The following LTA4H variants were observed in gnomAD, a reference collection of about 807,000 sequenced individuals.
The protein encoded by LTA4H is leukotriene A4 hydrolase.
Under a neutral mutation model 89.8 loss-of-function variants are expected in LTA4H, and 59 were observed. The ratio of observed to expected loss-of-function variants is 0.66; its 90% CI spans 0.53 to 0.82. The LOEUF (loss-of-function observed/expected upper bound fraction) is 0.82. Ranked by LOEUF, LTA4H falls within the 40% of genes least tolerant of loss-of-function variation. The probability of loss-of-function intolerance (pLI) is 0.00; values close to 1 mark genes in which losing one functional copy is unlikely to be tolerated. For missense variants in LTA4H, 617 were observed against 727.0 expected (o/e 0.85, Z 1.74); for synonymous variants, 227 against 253.1 (o/e 0.90, Z 0.98).
At chr12:96,009,245 T>C (rs938059990) in intron 14 of LTA4H, 97 bp from the exon 15 acceptor site, 1 of 786,622 alleles carries the variant, frequency 1.3e-6, no homozygotes, top group African/African-American at 1.7e-5. Flanking sequence ...AAAGTCCCTT[T>C]TAAATAAGGA....
At chr12:96,026,261 GCA>G (rs1456280533) in intron 3 of LTA4H, among the ~76,000 whole-genome samples, 1 of 152,130 alleles carries the variant, frequency 6.6e-6, no homozygotes, top group Non-Finnish European at 1.5e-5. Flanking sequence ...CCAAACCCAG[GCA>G]AATATGCATA....
intron 1 of LTA4H, among the ~76,000 whole-genome samples, chr12:96,033,401 C>T (rs1223919325): frequency 1.3e-5 from 2 of 152,044 alleles, no homozygotes; most frequent in African/African-American, 4.8e-5. Flanking sequence ...TTAGAAAAAC[C>T]TCTTTAAATT....
intron 15 of LTA4H, among the ~76,000 whole-genome samples, chr12:96,008,053 C>A (rs1462343437): frequency 6.6e-6 from 1 of 152,144 alleles, no homozygotes; most frequent in African/African-American, 2.4e-5. Context: ...ATACTGGGCA[C>A]TACTAGGAGT....
intron 8 of LTA4H, among the ~76,000 whole-genome samples, chr12:96,018,212 C>T (rs753567775): frequency 6.6e-6 from 1 of 152,114 alleles, no homozygotes; most frequent in Non-Finnish European, 1.5e-5. Flanking sequence ...ATACCGTGAA[C>T]ATAATATTCT....
At position 96,022,354 on chromosome 12, in the gene LTA4H, TAAAC is replaced by T. The variant is rs1409244701; in HGVS notation, c.481-107_481-104del. ...TTTCTTCCCATTCTTGACTATCTAA[TAAAC>T]AGACTATGAACACAAAAAGTATATA... On this transcript the variant is annotated intron_variant, in intron 4 of 18. Transcript: ENST00000228740. The surrounding 1 kb of genome is among the most constrained non-coding windows in gnomAD (Gnocchi z 4.0). 4 of 713,748 alleles carry T rather than the reference TAAAC, an allele frequency of 5.6e-6. No individual in the cohort carries two copies. Among genetic ancestry groups the T allele is most frequent in the East Asian group, 5.4e-5 (2 of 36,902 alleles). The allele number at this position is 713,748 out of a possible 1,614,324, so 44.2% of individuals were successfully genotyped here. A position where few individuals can be genotyped will look rare whatever the true frequency, so the allele number is the denominator to read the frequency against.
rs777619441 is a variant in LTA4H, at chr12:96,013,241, T to C, written c.1326A>G (p.Gln442=). The stretch of plus-strand genomic sequence containing the variant: ...AGTAGAGCCAGGCATTCCAATCAAC[T>C]TGATTGAGAACATCAACCTATGAAT... The part of the protein sequence containing the change: ...YFKDKVDVLN[Q]VDWNAWLYSP... The change falls in exon 14 of 19, where the codon CAA becomes CAG. Residue 442 remains glutamine (Q), a synonymous_variant. Transcript: ENST00000228740. 9.3e-6 allele frequency: 15 copies of C among 1,613,480 alleles called. No individual in the cohort carries two copies. In the Admixed American group the frequency reaches 1.7e-4, roughly 18 times the overall value.
At chr12:96,021,331 T>C (rs1950450030) in intron 5 of LTA4H, among the ~76,000 whole-genome samples, 194 bp from the exon 6 acceptor site, 1 of 152,200 alleles carries the variant, frequency 6.6e-6, no homozygotes, top group Admixed American at 6.5e-5. Context: ...ATATAAAACA[T>C]TGTTCAAAAC....
chr12:96,020,837 G>T, intron 6 of LTA4H: 2 of 380,390 alleles, frequency 5.3e-6, no homozygotes, highest in Admixed American at 5.1e-5. Flanking sequence ...AAGCTTACAT[G>T]AGAATCCAGA....
chr12:96,000,774 T>A lies in LTA4H; in HGVS notation c.*215A>T, dbSNP rs948362129. 2 of 373,942 alleles carry A rather than the reference T, an allele frequency of 5.3e-6. No homozygotes were observed. The highest frequency in any genetic ancestry group is 5.2e-5 in the South Asian group (1 of 19,214). 23.2% of individuals were successfully genotyped at this position (373,942 alleles called of 1,614,324 possible). A position where few individuals can be genotyped will look rare whatever the true frequency, so the allele number is the denominator to read the frequency against. Reference sequence around the variant, plus strand: ...AATATAAAGCTAATTCAAAATTTTTTAATTTGTAAATCAAAAGATTAAACC... The same window carrying A: ...AATATAAAGCTAATTCAAAATTTTTAAATTTGTAAATCAAAAGATTAAACC... On this transcript the variant is annotated 3_prime_UTR_variant, in exon 19 of 19. Transcript: ENST00000228740.
chr12:96,000,964 T>C lies in LTA4H; in HGVS notation c.*25A>G. 1 of 1,416,758 alleles carries C rather than the reference T, an allele frequency of 7.1e-7. No individual in the cohort carries two copies. Among genetic ancestry groups the C allele is most frequent in the Non-Finnish European group, 1.0e-6 (1 of 1,001,248 alleles). The allele number at this position is 1,416,758 out of a possible 1,614,324, so 87.8% of individuals were successfully genotyped here. On this transcript the variant is annotated 3_prime_UTR_variant, in exon 19 of 19. Transcript: ENST00000228740. ...GAATTCCATTTAAAAAAGAGAAATCTCTAAAATCATCAATACGCAGGTCTT... is the reference window on the plus strand; with the variant it reads ...GAATTCCATTTAAAAAAGAGAAATCCCTAAAATCATCAATACGCAGGTCTT...
chr12:96,014,740 A>C lies in LTA4H; in HGVS notation c.1204+115T>G, dbSNP rs1466768434. ...AACAATACAGATTTCTTCAGCAGCT[A>C]CATCCAGAATGAATTGGAAGTATTA... On this transcript the variant is annotated intron_variant, in intron 12 of 18. Coordinates refer to ENST00000228740, the MANE Select transcript of LTA4H (RefSeq NM_000895.3). The C allele has an allele frequency of 1.5e-5, 14 of 959,564 alleles. No individual in the cohort carries two copies. The East Asian group carries it at 3.1e-4, about 21-fold the overall frequency. 59.4% of individuals were successfully genotyped at this position (959,564 alleles called of 1,614,324 possible). A position where few individuals can be genotyped will look rare whatever the true frequency, so the allele number is the denominator to read the frequency against.
Position 96,018,817 on chromosome 12 carries a change from G to A in LTA4H, c.798C>T (p.Phe266=). The change falls in exon 8 of 19, where the codon TTC becomes TTT. Residue 266 remains phenylalanine, a synonymous_variant. Coordinates refer to ENST00000228740, the MANE Select transcript of LTA4H (RefSeq NM_000895.3). The part of the protein sequence containing the change: ...QYDLLVLPPS[F]PYGGMENPCL... ...AAGGATTCTCCATGCCACCATAAGG[G>A]AAGGATGGTGGCAGGACCAATAGGT... The A allele has an allele frequency of 1.2e-6, 2 of 1,603,194 alleles. No individual in the cohort carries two copies. The highest frequency in any genetic ancestry group is 1.7e-6 in the Non-Finnish European group (2 of 1,175,112).
intron 16 of LTA4H, among the ~76,000 whole-genome samples, chr12:96,004,665 A>G (rs1342077435): frequency 6.6e-6 from 1 of 152,152 alleles, no homozygotes; most frequent in East Asian, 1.9e-4. Context: ...CCCTCCAACC[A>G]CGACCTCCTT....
At position 96,013,470 on chromosome 12, in the gene LTA4H, A is replaced by G. The variant is rs565769657; in HGVS notation, c.1309-212T>C. ...TGCGATGTTTTGATATATGTACTCA[A>G]TGTGGACTAAGTCAAGCTAATATAT... On this transcript the variant is annotated intron_variant, in intron 13 of 18. Transcript: ENST00000228740. 6.2e-4 allele frequency among the ~76,000 whole-genome samples: 94 copies of G among 152,338 alleles called. 1 individual carries two copies. Among genetic ancestry groups the G allele is most frequent in the Non-Finnish European group, 1.2e-3 (82 of 68,022 alleles).
intron 1 of LTA4H, among the ~76,000 whole-genome samples, chr12:96,030,115 C>A (rs564754799): frequency 2.2e-4 from 34 of 152,306 alleles, no homozygotes; most frequent in Admixed American, 1.4e-3. Context: ...TGACCTCTGT[C>A]TACTCACAGC....
chr12:96,015,054 C>T, intron 11 of LTA4H, 55 bp from the exon 12 acceptor site: 1 of 1,533,790 alleles, frequency 6.5e-7, no homozygotes, highest in Non-Finnish European at 8.9e-7. Flanking sequence ...TATCACCACG[C>T]AAATAAGCTA....
At chr12:96,038,718 T>C (rs1950667450), upstream of LTA4H, among the ~76,000 whole-genome samples, 1 of 150,352 alleles carries the variant, frequency 6.7e-6, no homozygotes, top group Non-Finnish European at 1.5e-5. Flanking sequence ...GGGTGACAAA[T>C]ACAATAGATA....
Position 96,043,476 on chromosome 12 carries a change from A to G in LTA4H, c.-101T>C, listed in dbSNP as rs1950704596. 9.5e-6 allele frequency: 7 copies of G among 738,342 alleles called. No individual in the cohort carries two copies. In the South Asian group the frequency reaches 9.7e-5, roughly 10 times the overall value. 45.7% of individuals were successfully genotyped at this position (738,342 alleles called of 1,614,324 possible). A position where few individuals can be genotyped will look rare whatever the true frequency, so the allele number is the denominator to read the frequency against. ...TCCCTTGTTGCTTTAAAAGACAAACATGCGCCTGTAGTCCCAGCTACTCGG... is the reference window on the plus strand; with the variant it reads ...TCCCTTGTTGCTTTAAAAGACAAACGTGCGCCTGTAGTCCCAGCTACTCGG... On this transcript the variant is annotated 5_prime_UTR_variant, in exon 1 of 18. Coordinates refer to the LTA4H transcript ENST00000413268.
intron 3 of LTA4H, among the ~76,000 whole-genome samples, chr12:96,026,042 C>T (rs1241758817): frequency 1.3e-5 from 2 of 152,052 alleles, no homozygotes; most frequent in African/African-American, 2.4e-5. Context: ...CCCCAAACTC[C>T]AGGTCTTTTC....
Sources: allele counts gnomAD v4.1 joint callset (sites outside exome capture counted in the v4.1 genomes callset), GRCh38; gene constraint gnomAD v4.1.1; non-coding constraint Gnocchi (gnomAD v3.1); transcripts MANE v1.5; gene names NCBI Gene and HGNC (gene_info 2026-07-23, HGNC 2026-07-21).